NXPH1: variants seen among roughly 807,000 people sequenced by gnomAD.
The protein encoded by NXPH1 is neurexophilin-1.
Under a neutral mutation model 23.7 loss-of-function variants are expected in NXPH1, and 5 were observed. The observed-to-expected ratio is 0.21, with a 90% CI of 0.11 to 0.44. The LOEUF (loss-of-function observed/expected upper bound fraction) is 0.44. Among genes scored for constraint, NXPH1 ranks in the 20% least tolerant of loss-of-function variants. The pLI is 0.99. For missense variants in NXPH1, 324 were observed against 321.6 expected (o/e 1.01, Z -0.06); for synonymous variants, 144 against 122.2 (o/e 1.18, Z -1.18).
intron 2 of NXPH1, among the ~76,000 whole-genome samples, chr7:8,530,285 T>C (rs996137821): frequency 3.3e-5 from 5 of 152,194 alleles, no homozygotes; most frequent in South Asian, 2.1e-4. Context: ...CAAATATTAA[T>C]TTTAGAGATC....
chr7:8,494,403 G>A (rs1374524693), intron 2 of NXPH1, among the ~76,000 whole-genome samples: 1 of 151,820 alleles, frequency 6.6e-6, no homozygotes, highest in Non-Finnish European at 1.5e-5. Flanking sequence ...TACTGCTGCG[G>A]GAATTAGGAG....
chr7:8,564,586 A>T (rs1211384712), intron 2 of NXPH1, among the ~76,000 whole-genome samples: 1 of 151,802 alleles, frequency 6.6e-6, no homozygotes, highest in Non-Finnish European at 1.5e-5. Context: ...TCCCCACTGG[A>T]TTGAACACTT....
intron 2 of NXPH1, among the ~76,000 whole-genome samples, chr7:8,472,425 C>G (rs1040349979): frequency 2.0e-5 from 3 of 152,136 alleles, no homozygotes; most frequent in Admixed American, 6.6e-5. Context: ...TGCCATTTTA[C>G]AAATGAGAGA....
At chr7:8,647,910 T>C (rs559907555) in intron 2 of NXPH1, among the ~76,000 whole-genome samples, 1 of 152,302 alleles carries the variant, frequency 6.6e-6, no homozygotes, top group East Asian at 1.9e-4. Context: ...ATTTGAAATA[T>C]ATGAGTTGAT....
chr7:8,621,745 C>T (rs1198714330), intron 2 of NXPH1, among the ~76,000 whole-genome samples: 1 of 152,142 alleles, frequency 6.6e-6, no homozygotes, highest in African/African-American at 2.4e-5. Flanking sequence ...CTTGGCCTCC[C>T]AAGGTGCTGG....
At position 8,442,052 on chromosome 7, in the gene NXPH1, G is replaced by T. The variant is rs556912053; in HGVS notation, c.54+6285G>T. ...GCGAGATGGCGTTGGGAGCCAGGGC[G>T]TTGGGACGGCACAAGCAGTGGGGTC... is the stretch of plus-strand genomic sequence containing the variant. On this transcript the variant is annotated intron_variant, in intron 2 of 2. Coordinates refer to ENST00000405863, the MANE Select transcript of NXPH1 (RefSeq NM_152745.3). The surrounding 1 kb of genome is among the most constrained non-coding windows in gnomAD (Gnocchi z 4.6). 2.0e-5 allele frequency among the ~76,000 whole-genome samples: 3 copies of T among 152,248 alleles called. No homozygotes were observed. In the South Asian group the frequency reaches 6.2e-4, roughly 32 times the overall value.
intron 2 of NXPH1, among the ~76,000 whole-genome samples, chr7:8,531,386 A>G (rs1402042650): frequency 3.3e-5 from 5 of 152,206 alleles, no homozygotes; most frequent in Non-Finnish European, 7.3e-5. Flanking sequence ...AACAGTTTTT[A>G]CATGTACAGA....
At chr7:8,641,909 A>T (rs897332352) in intron 2 of NXPH1, among the ~76,000 whole-genome samples, 4 of 152,148 alleles carry the variant, frequency 2.6e-5, no homozygotes, top group Non-Finnish European at 5.9e-5. Flanking sequence ...TGAATGTGTG[A>T]AACTTCTACA....
intron 2 of NXPH1, among the ~76,000 whole-genome samples, chr7:8,625,891 G>T (rs1313340230): frequency 6.6e-6 from 1 of 152,172 alleles, no homozygotes; most frequent in Non-Finnish European, 1.5e-5. Context: ...ATAATGGGAA[G>T]TTTCAAACAA....
rs1180569829 is a variant in NXPH1, at chr7:8,442,536, G to C, written c.54+6769G>C. 6.6e-6 allele frequency among the ~76,000 whole-genome samples: 1 copy of C among 152,170 alleles called. No individual in the cohort carries two copies. The highest frequency in any genetic ancestry group is 1.5e-5 in the Non-Finnish European group (1 of 68,010). ...CATCCCACCCTATGTCTTAGACCCCGTCCTCACACATTGACTTTAAAAGGC... is the reference window on the plus strand; with the variant it reads ...CATCCCACCCTATGTCTTAGACCCCCTCCTCACACATTGACTTTAAAAGGC... On this transcript the variant is annotated intron_variant, in intron 2 of 2. Transcript: ENST00000405863. The surrounding 1 kb of genome is among the most constrained non-coding windows in gnomAD (Gnocchi z 4.6).
In NXPH1 at chr7:8,665,417, A is replaced by G. The variant is rs1463475884; in HGVS notation, c.55-85591A>G. On this transcript the variant is annotated intron_variant, in intron 2 of 2. Transcript: ENST00000405863. ...TGCTATACCATGCTGTTTTAATATA[A>G]TTTTGTAGCATATTTTAAAGACAGA... Among the ~76,000 whole-genome samples the G allele has an allele frequency of 3.3e-5, 5 of 151,868 alleles. No individual in the cohort carries two copies. The East Asian group carries it at 9.6e-4, about 29-fold the overall frequency.
intron 2 of NXPH1, among the ~76,000 whole-genome samples, chr7:8,641,265 T>TAA (rs1820304928): frequency 6.6e-6 from 1 of 152,218 alleles, no homozygotes; most frequent in Non-Finnish European, 1.5e-5. Context: ...AAGTAATACC[T>TAA]GTGCACAGTT....
At chr7:8,591,104 C>T (rs936934662) in intron 2 of NXPH1, among the ~76,000 whole-genome samples, 1 of 152,062 alleles carries the variant, frequency 6.6e-6, no homozygotes, top group Non-Finnish European at 1.5e-5. Flanking sequence ...GATACTATTT[C>T]TCACACCTAC....
intron 2 of NXPH1, among the ~76,000 whole-genome samples, chr7:8,563,771 T>C (rs1444560307): frequency 6.6e-6 from 1 of 151,808 alleles, no homozygotes; most frequent in African/African-American, 2.4e-5. Context: ...AGGCAGCCAC[T>C]GTGCTCTGCT....
intron 2 of NXPH1, among the ~76,000 whole-genome samples, chr7:8,482,291 T>G (rs1817087087): frequency 6.6e-6 from 1 of 152,190 alleles, no homozygotes. Flanking sequence ...TGATTGTGCC[T>G]CAGTGAATGA....
At chr7:8,715,708 G>C (rs571528760) in intron 2 of NXPH1, among the ~76,000 whole-genome samples, 1 of 152,282 alleles carries the variant, frequency 6.6e-6, no homozygotes, top group Non-Finnish European at 1.5e-5. Flanking sequence ...TTAGATAAGA[G>C]TCTTCAAGAG....
intron 2 of NXPH1, among the ~76,000 whole-genome samples, chr7:8,688,944 A>AG (rs1194718171): frequency 6.6e-6 from 1 of 152,128 alleles, no homozygotes; most frequent in African/African-American, 2.4e-5. Context: ...TAATGTTTCT[A>AG]GGTACCTTCG....
chr7:8,441,808 T>C (rs1238188499), intron 2 of NXPH1, among the ~76,000 whole-genome samples: 2 of 152,188 alleles, frequency 1.3e-5, no homozygotes, highest in Non-Finnish European at 2.9e-5. Context: ...TTGGTGGCTG[T>C]TGTTTAAACT....
At chr7:8,618,710 A>G (rs1300094043) in intron 2 of NXPH1, among the ~76,000 whole-genome samples, 2 of 152,204 alleles carry the variant, frequency 1.3e-5, no homozygotes, top group Non-Finnish European at 2.9e-5. Flanking sequence ...TCACTGCATC[A>G]TTCTTTCATT....
Sources: allele counts gnomAD v4.1 joint callset (sites outside exome capture counted in the v4.1 genomes callset), GRCh38; gene constraint gnomAD v4.1.1; non-coding constraint Gnocchi (gnomAD v3.1); transcripts MANE v1.5; gene names NCBI Gene and HGNC (gene_info 2026-07-23, HGNC 2026-07-21).